The following CYP4A22 variants were observed in gnomAD, a reference collection of about 807,000 sequenced individuals.
CYP4A22 encodes cytochrome P450 4A22.
CYP4A22 carries 46 observed loss-of-function variants against 56.2 expected under a neutral mutation model. The observed-to-expected ratio is 0.82, with a 90% CI of 0.65 to 1.05. The LOEUF (loss-of-function observed/expected upper bound fraction) is 1.05, where lower values mean the gene tolerates loss of function less well. Among genes scored for constraint, CYP4A22 ranks in the 50% least tolerant of loss-of-function variants. The pLI is 0.00. For synonymous variants in CYP4A22, 193 were observed against 251.1 expected (o/e 0.77, Z 2.19); for missense variants, 541 against 645.9 (o/e 0.84, Z 1.76).
chr1:47,141,420 C>A lies in CYP4A22; in HGVS notation c.338-151C>A, dbSNP rs375345507. ...GTCTGTCTTCCTGAGCCCACATTGA[C>A]CTTCAGGACAGAAATAGAAGTGGAT... On this transcript the variant is annotated intron_variant, in intron 2 of 11. Coordinates refer to ENST00000371891, the MANE Select transcript of CYP4A22 (RefSeq NM_001010969.4). The A allele has an allele frequency of 1.0e-4, 86 of 846,558 alleles. No homozygotes were observed. In the African/African-American group the frequency reaches 1.3e-3, roughly 13 times the overall value. 52.4% of individuals were successfully genotyped at this position (846,558 alleles called of 1,614,324 possible). A position where few individuals can be genotyped will look rare whatever the true frequency, so the allele number is the denominator to read the frequency against.
At position 47,148,753 on chromosome 1, in the gene CYP4A22, C is replaced by T. The variant is rs61736430; in HGVS notation, c.1516C>T (p.Leu506Phe). 12,561 of 1,613,618 alleles carry T rather than the reference C, an allele frequency of 7.8e-3. 160 individuals carry two copies. Among genetic ancestry groups the T allele is most frequent in the South Asian group, 0.039 (3,538 of 91,006 alleles). Residue 506 changes from leucine to phenylalanine, a missense_variant, in exon 12 of 12, where the codon CTC becomes TTC. Leu to Phe is a conservative substitution (Grantham distance 22). Around this residue, in one of 3 missense-constraint regions of CYP4A22, gnomAD observed 204 missense variants for 258.9 expected, o/e 0.79. Transcript: ENST00000371891. ...LKSKNGIHLR[L>F]RRLPNPCEDK... Reference sequence around the variant, plus strand: ...ATCCAAAAATGGAATCCACCTGCGTCTCAGGAGGCTCCCTAACCCTTGTGA... The same window carrying T: ...ATCCAAAAATGGAATCCACCTGCGTTTCAGGAGGCTCCCTAACCCTTGTGA...
intron 1 of CYP4A22, among the ~76,000 whole-genome samples, chr1:47,139,659 C>T (rs1411469251): frequency 6.6e-6 from 1 of 152,204 alleles, no homozygotes; most frequent in Non-Finnish European, 1.5e-5. Flanking sequence ...GGAGCCTACC[C>T]CACAGTAGGG....
chr1:47,143,522 T>G, intron 5 of CYP4A22, 129 bp downstream of exon 5: 3 of 1,499,114 alleles, frequency 2.0e-6, no homozygotes, highest in Non-Finnish European at 2.7e-6. Context: ...GACCAAACTC[T>G]AATTCCTGTC....
At position 47,145,891 on chromosome 1, in the gene CYP4A22, T is replaced by C. The variant is rs142590017; in HGVS notation, c.1248T>C (p.Tyr416=). 2.3e-4 allele frequency: 375 copies of C among 1,614,062 alleles called. No homozygotes were observed. The highest frequency in any genetic ancestry group is 2.8e-4 in the Non-Finnish European group (335 of 1,180,036). ...PKGIMVLLSI[Y]GLHHNPKVWP... The stretch of plus-strand genomic sequence containing the variant: ...GTATCATGGTCCTCCTCTCCATTTA[T>C]GGCCTTCACCACAACCCAAAAGTGT... The change falls in exon 10 of 12, where the codon TAT becomes TAC. Residue 416 remains tyrosine, a synonymous_variant. Transcript: ENST00000371891.
chr1:47,147,030 C>T (rs1645083353), intron 11 of CYP4A22: 2 of 985,340 alleles, frequency 2.0e-6, no homozygotes, highest in African/African-American at 1.7e-5. Context: ...TCCAGAATGG[C>T]TGCGGTGGAA....
intron 1 of CYP4A22, among the ~76,000 whole-genome samples, chr1:47,139,586 T>C (rs1334556604): frequency 6.6e-6 from 1 of 152,178 alleles, no homozygotes; most frequent in Non-Finnish European, 1.5e-5. Context: ...AGCTGTGTCC[T>C]AACGCAGTGC....
rs1645056659 is a variant in CYP4A22 at position 47,144,759 on chromosome 1, G to A, written c.1088+19G>A. On this transcript the variant is annotated intron_variant, in intron 8 of 11. Transcript: ENST00000371891. ...TCACCTGGTGAGTGAGGGCTCAAAA[G>A]ATGGGGTTCCCTGCCTTCTCCACAG... The A allele has an allele frequency of 1.2e-6, 2 of 1,612,984 alleles. No individual in the cohort carries two copies. Among genetic ancestry groups the A allele is most frequent in the Admixed American group, 3.3e-5 (2 of 59,864 alleles).
rs1645039046 is a variant in CYP4A22 at position 47,143,654 on chromosome 1, C to G, written c.636-108C>G. 5 of 1,454,158 alleles carry G rather than the reference C, an allele frequency of 3.4e-6. No homozygotes were observed. The Admixed American group carries it at 9.3e-5, about 27-fold the overall frequency. The allele number at this position is 1,454,158 out of a possible 1,614,324, so 90.1% of individuals were successfully genotyped here. On this transcript the variant is annotated intron_variant, in intron 5 of 11. Coordinates refer to ENST00000371891, the MANE Select transcript of CYP4A22 (RefSeq NM_001010969.4). ...CTGTAAGATAGAAGAAACATTGCCT[C>G]AAGGCTGCTTGTCCCCATTATCCGA...
At chr1:47,140,743 T>A (rs1181796632) in intron 1 of CYP4A22, 37 bp from the exon 2 acceptor site, 18 of 1,611,718 alleles carry the variant, frequency 1.1e-5, no homozygotes, top group Non-Finnish European at 1.5e-5. Flanking sequence ...AGACTAGAAG[T>A]AAATGAAAGT....
At position 47,140,864 on chromosome 1, in the gene CYP4A22, A is replaced by T. The variant is rs756314227; in HGVS notation, c.280A>T (p.Lys94Ter). ...CTGTCCTTATTGGATATGGGGAGGC[A>T]AAGTTCGTGTCCAGCTCTATGACCC... ...SACPYWIWGG[K>*]VRVQLYDPDY... Residue 94 changes from lysine to a stop codon, truncating the protein, a stop_gained, in exon 2 of 12, where the codon AAA becomes TAA. Coordinates refer to ENST00000371891, the MANE Select transcript of CYP4A22 (RefSeq NM_001010969.4). LOFTEE classifies it high-confidence loss of function. The T allele has an allele frequency of 1.2e-6, 2 of 1,614,208 alleles. No individual in the cohort carries two copies. Among genetic ancestry groups the T allele is most frequent in the Non-Finnish European group, 1.7e-6 (2 of 1,180,032 alleles).
intron 4 of CYP4A22, among the ~76,000 whole-genome samples, chr1:47,142,468 G>A (rs1042492473): frequency 1.3e-5 from 2 of 152,212 alleles, no homozygotes; most frequent in African/African-American, 4.8e-5. Flanking sequence ...GAGATTCATG[G>A]TGAACACAAG....
chr1:47,141,956 C>T, intron 3 of CYP4A22, 152 bp from the exon 4 acceptor site: 2 of 1,153,402 alleles, frequency 1.7e-6, no homozygotes, highest in Admixed American at 2.9e-5. Context: ...CTGAAATATA[C>T]CTCCTTTTCC....
intron 11 of CYP4A22, among the ~76,000 whole-genome samples, chr1:47,148,052 G>A (rs2148560354): frequency 6.6e-6 from 1 of 152,212 alleles, no homozygotes; most frequent in Middle Eastern, 3.4e-3. Flanking sequence ...GAGGCAGGTG[G>A]GGCAACACTG....
At chr1:47,146,295 C>T (rs1186526503) in intron 11 of CYP4A22, 142 bp downstream of exon 11, 7 of 1,559,774 alleles carry the variant, frequency 4.5e-6, no homozygotes, top group African/African-American at 1.4e-5. Flanking sequence ...AGTCAGGCAC[C>T]TGGTGTGGGC....
chr1:47,148,123 A>C (rs149780651), intron 11 of CYP4A22, among the ~76,000 whole-genome samples: 2,734 of 152,070 alleles, frequency 0.018, 45 homozygotes, highest in East Asian at 0.06. Context: ...CTCCCTTAAT[A>C]CACCCATCGG....
chr1:47,142,108 G>T lies in CYP4A22; in HGVS notation c.383G>T (p.Gly128Val). Residue 128 changes from glycine (G) to valine (V), a missense_variant and splice_region_variant, in exon 4 of 12, where the codon GGG (glycine) becomes GTG (valine). Physicochemically the swap from Gly to Val is moderately radical, Grantham distance 109. Transcript: ENST00000371891. ...GSYKFLAPRIGYGLLLLNGQT... is the reference protein window; with the variant it reads ...GSYKFLAPRIVYGLLLLNGQT... Reference sequence around the variant, plus strand: ...ATACACATATTCGTGTCTACCTTAGGGTACGGCTTGCTCCTGTTGAATGGG... The same window carrying T: ...ATACACATATTCGTGTCTACCTTAGTGTACGGCTTGCTCCTGTTGAATGGG... 6.2e-7 allele frequency: 1 copy of T among 1,612,280 alleles called. No homozygotes were observed. The highest frequency in any genetic ancestry group is 1.1e-5 in the South Asian group (1 of 90,730).
At position 47,144,428 on chromosome 1, in the gene CYP4A22, C is replaced by T. The variant is rs200832137; in HGVS notation, c.862C>T (p.His288Tyr). ...GELEKIKRKRHLDFLDILLLA... is the reference protein window; with the variant it reads ...GELEKIKRKRYLDFLDILLLA... ...GCTGGAGAAGATCAAGAGGAAGAGG[C>T]ACTTGGATTTTCTGGACATCCTCCT... The change falls in exon 7 of 12, where the codon CAC becomes TAC. Residue 288 changes from histidine (H) to tyrosine (Y), a missense_variant. Around this residue, in one of 3 missense-constraint regions of CYP4A22, gnomAD observed 335 missense variants for 361.2 expected, o/e 0.93. Transcript: ENST00000371891. The T allele has an allele frequency of 1.7e-4, 269 of 1,613,954 alleles. No individual in the cohort carries two copies. In the East Asian group the frequency reaches 5.3e-3, roughly 32 times the overall value.
intron 11 of CYP4A22, chr1:47,146,863 C>T (rs1275285819): frequency 3.0e-6 from 3 of 985,806 alleles, no homozygotes; most frequent in Non-Finnish European, 3.6e-6. Context: ...CTGTAATCCA[C>T]TTAGCACAAT....
intron 9 of CYP4A22, 131 bp downstream of exon 9, chr1:47,145,101 T>G: frequency 1.4e-6 from 2 of 1,425,840 alleles, no homozygotes; most frequent in Non-Finnish European, 1.9e-6. Flanking sequence ...AAAAACATAC[T>G]TTGTATTTAG....
Sources: gnomAD v4.1 joint callset for allele counts (sites outside exome capture counted in the v4.1 genomes callset) on GRCh38, gnomAD v4.1.1 for gene constraint, gnomAD v4.1.1 regional missense constraint, MANE v1.5 for transcripts, NCBI Gene and HGNC (gene_info 2026-07-23, HGNC 2026-07-21) for gene names.